PARPBP: variants seen among roughly 807,000 people sequenced by gnomAD.
PARPBP encodes the protein PARP1 binding protein.
A neutral mutation model predicts 50.0 loss-of-function variants in PARPBP; 52 were observed. The observed-to-expected ratio is 1.04, with a 90% CI of 0.83 to 1.31. The LOEUF (loss-of-function observed/expected upper bound fraction) is 1.31, where lower values mean the gene tolerates loss of function less well. PARPBP is among the 50% of genes most tolerant of loss of function. The probability of loss-of-function intolerance (pLI) is 0.00; values close to 1 mark genes in which losing one functional copy is unlikely to be tolerated. For missense variants in PARPBP, 697 were observed against 672.0 expected (o/e 1.04, Z -0.41); for synonymous variants, 244 against 232.1 (o/e 1.05, Z -0.47).
At chr12:102,156,061 G>C (rs1320299396) in intron 4 of PARPBP, among the ~76,000 whole-genome samples, 1 of 151,114 alleles carries the variant, frequency 6.6e-6, no homozygotes, top group Non-Finnish European at 1.5e-5. Flanking sequence ...CCAGGTCAGA[G>C]AACAAGAGGC....
At chr12:102,150,633 A>G (rs1372378059) in intron 3 of PARPBP, among the ~76,000 whole-genome samples, 1 of 152,176 alleles carries the variant, frequency 6.6e-6, no homozygotes, top group Non-Finnish European at 1.5e-5. Flanking sequence ...ACAAGGCCTT[A>G]GATTGTAACT....
At chr12:102,178,458 C>T (rs2136794898) in intron 7 of PARPBP, 134 bp from the exon 8 acceptor site, 3 of 478,274 alleles carry the variant, frequency 6.3e-6, no homozygotes, top group East Asian at 3.4e-5. Flanking sequence ...TGCCTCACAG[C>T]CACTTCTTAT....
intron 2 of PARPBP, among the ~76,000 whole-genome samples, chr12:102,125,753 T>A (rs1326548887): frequency 2.0e-5 from 3 of 152,220 alleles, no homozygotes; most frequent in Non-Finnish European, 4.4e-5. Flanking sequence ...ACCTAGTAGA[T>A]AAGGCAGACA....
rs560175904 is a variant in PARPBP, at chr12:102,131,199, C to T, written c.153+7158C>T. On this transcript the variant is annotated intron_variant, in intron 2 of 10. Coordinates refer to ENST00000327680, the MANE Select transcript of PARPBP (RefSeq NM_017915.5). ...AATTAGCCGGGTGTGGTGGCATGCA[C>T]CTGTATTCCCAGCCACTTGGGAGGC... is the stretch of plus-strand genomic sequence containing the variant. Among the ~76,000 whole-genome samples, 453 of 152,240 alleles carry T rather than the reference C, an allele frequency of 3.0e-3. 1 individual carries two copies. Among genetic ancestry groups the T allele is most frequent in the Non-Finnish European group, 4.9e-3 (334 of 68,014 alleles).
intron 4 of PARPBP, among the ~76,000 whole-genome samples, chr12:102,162,304 G>C (rs1046066557): frequency 6.6e-6 from 1 of 152,108 alleles, no homozygotes; most frequent in Non-Finnish European, 1.5e-5. Context: ...AAATTCCGGG[G>C]ATATTAGTTG....
intron 2 of PARPBP, among the ~76,000 whole-genome samples, chr12:102,142,205 A>G (rs1565864160): frequency 6.6e-6 from 1 of 151,994 alleles, no homozygotes; most frequent in South Asian, 2.1e-4. Flanking sequence ...TTTTTTCTCT[A>G]AACTTGTCTT....
rs1882511287 is a variant in PARPBP at position 102,129,402 on chromosome 12, T to G, written c.153+5361T>G. ...GATATATTTTCTCCCATTCCATAGG[T>G]TGTCTCTTCACTCTGCTGATTGTTT... On this transcript the variant is annotated intron_variant, in intron 2 of 10. Transcript: ENST00000327680. Among the ~76,000 whole-genome samples the G allele has an allele frequency of 2.0e-5, 3 of 152,314 alleles. No homozygotes were observed. The South Asian group carries it at 6.2e-4, about 32-fold the overall frequency.
At chr12:102,171,002 A>T (rs943193964) in intron 6 of PARPBP, among the ~76,000 whole-genome samples, 8 of 151,524 alleles carry the variant, frequency 5.3e-5, no homozygotes, top group Admixed American at 4.6e-4. Flanking sequence ...AGGATTATCA[A>T]TATGACTGTC....
chr12:102,148,504 A>G (rs1230732978), intron 3 of PARPBP, 41 bp downstream of exon 3: 2 of 736,796 alleles, frequency 2.7e-6, no homozygotes, highest in South Asian at 2.4e-5. Flanking sequence ...TCAAATTAAA[A>G]TTTAGCTCTA....
chr12:102,147,887 C>G (rs1885615959), intron 2 of PARPBP, among the ~76,000 whole-genome samples: 2 of 152,020 alleles, frequency 1.3e-5, no homozygotes, highest in Non-Finnish European at 1.5e-5. Context: ...TTTCCCCCAT[C>G]AATAGTACTT....
chr12:102,143,969 A>T (rs978482620), intron 2 of PARPBP, among the ~76,000 whole-genome samples: 3 of 151,776 alleles, frequency 2.0e-5, no homozygotes, highest in African/African-American at 7.3e-5. Context: ...GCATTTTATC[A>T]CCACTCTTTC....
At chr12:102,127,575 A>G (rs1459500206) in intron 2 of PARPBP, among the ~76,000 whole-genome samples, 1 of 152,090 alleles carries the variant, frequency 6.6e-6, no homozygotes, top group Non-Finnish European at 1.5e-5. Flanking sequence ...TTATTTGATC[A>G]TTTGGTATCT....
chr12:102,147,030 A>C (rs1363461024), intron 2 of PARPBP, among the ~76,000 whole-genome samples: 1 of 152,132 alleles, frequency 6.6e-6, no homozygotes, highest in Non-Finnish European at 1.5e-5. Flanking sequence ...ACCATCTCAC[A>C]CCAGTTAGAA....
chr12:102,153,019 A>G (rs903659324), intron 3 of PARPBP, among the ~76,000 whole-genome samples: 1 of 152,108 alleles, frequency 6.6e-6, no homozygotes, highest in African/African-American at 2.4e-5. Context: ...TTTGATATAA[A>G]TATATTTGTT....
intron 6 of PARPBP, among the ~76,000 whole-genome samples, chr12:102,171,801 G>A (rs1020684749): frequency 6.6e-6 from 1 of 151,700 alleles, no homozygotes; most frequent in South Asian, 2.1e-4. Context: ...CCCGGGAGGC[G>A]GAGCTTGCAG....
At chr12:102,178,099 C>A (rs753087732) in intron 7 of PARPBP, among the ~76,000 whole-genome samples, 1 of 152,160 alleles carries the variant, frequency 6.6e-6, no homozygotes, top group Non-Finnish European at 1.5e-5. Flanking sequence ...ACCTTTGGAA[C>A]CTTAGCTTTA....
intron 1 of PARPBP, among the ~76,000 whole-genome samples, chr12:102,122,656 A>G (rs1434424910): frequency 6.6e-6 from 1 of 152,210 alleles, no homozygotes; most frequent in Non-Finnish European, 1.5e-5. Flanking sequence ...CACTACCTCA[A>G]ATTATTTTGA....
intron 2 of PARPBP, among the ~76,000 whole-genome samples, chr12:102,129,634 A>G (rs1053902867): frequency 6.6e-6 from 1 of 152,172 alleles, no homozygotes; most frequent in Non-Finnish European, 1.5e-5. Context: ...CTTCTAGCCA[A>G]TGAGCCTGGA....
intron 2 of PARPBP, among the ~76,000 whole-genome samples, chr12:102,147,475 C>A (rs1024733918): frequency 7.4e-5 from 11 of 149,230 alleles, no homozygotes; most frequent in Non-Finnish European, 3.0e-5. Flanking sequence ...GACAAAAAAC[C>A]AAACACCGCA....
Sources: allele counts gnomAD v4.1 joint callset (sites outside exome capture counted in the v4.1 genomes callset), GRCh38; gene constraint gnomAD v4.1.1; transcripts MANE v1.5; gene names NCBI Gene and HGNC (gene_info 2026-07-23, HGNC 2026-07-21).